Variants in HDAC8 observed in about 807,000 individuals in gnomAD.
HDAC8 encodes the protein histone deacetylase 8, also known as histone deacetylase-like 1.
HDAC8 carries 1 observed loss-of-function variant against 32.2 expected under a neutral mutation model. The observed-to-expected ratio is 0.03, with a 90% CI of 0.01 to 0.15. HDAC8 has a LOEUF of 0.15. Ranked by LOEUF, HDAC8 falls within the 10% of genes least tolerant of loss-of-function variation. The pLI, the probability that HDAC8 is intolerant of heterozygous loss-of-function variation, is 1.00. For synonymous variants in HDAC8, 108 were observed against 113.9 expected (o/e 0.95, Z 0.33); for missense variants, 117 against 300.0 (o/e 0.39, Z 4.51).
In HDAC8 at chrX:72,329,848, C is replaced by G; in HGVS notation, c.*206G>C. 1.1e-6 allele frequency: 1 copy of G among 934,824 alleles called. No individual in the cohort carries two copies. The highest frequency in any genetic ancestry group is 1.9e-5 in the African/African-American group (1 of 51,631). The allele number at this position is 934,824 out of a possible 1,213,427, so 77.0% of individuals were successfully genotyped here. A position where few individuals can be genotyped will look rare whatever the true frequency, so the allele number is the denominator to read the frequency against. Reference sequence around the variant, plus strand: ...TTAAATGTGGGATATCTCCTTCTTCCCCTAGGTCCAGTTGAGGACTCTGGG... The same window carrying G: ...TTAAATGTGGGATATCTCCTTCTTCGCCTAGGTCCAGTTGAGGACTCTGGG... On this transcript the variant is annotated 3_prime_UTR_variant, in exon 11 of 11. Transcript: ENST00000373573.
At chrX:72,524,293 C>A (rs1250642204) in intron 4 of HDAC8, among the ~76,000 whole-genome samples, 1 of 112,008 alleles carries the variant, frequency 8.9e-6, no homozygotes, top group Non-Finnish European at 1.9e-5. Flanking sequence ...AGTCTTATCA[C>A]ACTCAAAACT....
Position 72,453,888 on chromosome X carries a change from A to G in HDAC8, c.1005+8116T>C, listed in dbSNP as rs1489711002. ...AATATGTAAGCAAGAAGGCAATGAA[A>G]TAATATCTTTGAAGTGCTAAAAGAA... On this transcript the variant is annotated intron_variant, in intron 9 of 10. Coordinates refer to ENST00000373573, the MANE Select transcript of HDAC8 (RefSeq NM_018486.3). Among the ~76,000 whole-genome samples the G allele has an allele frequency of 2.7e-5, 3 of 112,742 alleles. No homozygotes were observed. In the East Asian group the frequency reaches 8.3e-4, roughly 31 times the overall value.
intron 9 of HDAC8, among the ~76,000 whole-genome samples, chrX:72,367,655 C>G (rs1360374153): frequency 8.9e-6 from 1 of 112,576 alleles, no homozygotes; most frequent in African/African-American, 3.2e-5. Flanking sequence ...AGAGTCCACA[C>G]AAGGATGATT....
At chrX:72,482,935 A>G (rs782766799) in intron 7 of HDAC8, among the ~76,000 whole-genome samples, 18 of 111,923 alleles carry the variant, frequency 1.6e-4, no homozygotes, top group Admixed American at 2.8e-4. Context: ...AAATGAAGCA[A>G]TGTAAATGTT....
intron 9 of HDAC8, among the ~76,000 whole-genome samples, chrX:72,447,469 A>T (rs2047441484): frequency 8.9e-6 from 1 of 112,005 alleles, no homozygotes; most frequent in Non-Finnish European, 1.9e-5. Flanking sequence ...TGACAAACCG[A>T]CAGCCAATAT....
intron 9 of HDAC8, 88 bp downstream of exon 9, chrX:72,461,916 A>G: frequency 1.6e-6 from 1 of 635,357 alleles, no homozygotes; most frequent in East Asian, 3.2e-5. Context: ...ACAAAACGGT[A>G]TTGAGTGGTG....
intron 4 of HDAC8, among the ~76,000 whole-genome samples, chrX:72,557,421 C>T (rs782514153): frequency 6.3e-5 from 7 of 111,434 alleles, no homozygotes; most frequent in Admixed American, 1.9e-4. Context: ...CCAAAAGGCA[C>T]CCTCAAAACC....
chrX:72,465,233 T>G (rs192646586), intron 7 of HDAC8, among the ~76,000 whole-genome samples: 1 of 111,689 alleles, frequency 9.0e-6, no homozygotes, highest in East Asian at 2.8e-4. Context: ...GTTTTTATTA[T>G]GTAAAAGGAC....
intron 4 of HDAC8, among the ~76,000 whole-genome samples, chrX:72,528,136 A>AT (rs1257207221): frequency 9.0e-6 from 1 of 110,507 alleles, no homozygotes; most frequent in Non-Finnish European, 1.9e-5. Flanking sequence ...TTTCTACAGC[A>AT]TTTTGTATCT....
rs1301265547 is a variant in HDAC8, at chrX:72,480,014, C to T, written c.737+8919G>A. 3.6e-5 allele frequency among the ~76,000 whole-genome samples: 4 copies of T among 112,220 alleles called. No homozygotes were observed. The South Asian group carries it at 1.1e-3, about 31-fold the overall frequency. On this transcript the variant is annotated intron_variant, in intron 7 of 10. Transcript: ENST00000373573. ...CAAAGTAGGAACAATAAATGAATGG[C>T]TCACTTTGGCCTCATTTCCACCTGT... is the stretch of plus-strand genomic sequence containing the variant.
At chrX:72,446,637 T>C (rs2047409457) in intron 9 of HDAC8, among the ~76,000 whole-genome samples, 1 of 110,393 alleles carries the variant, frequency 9.1e-6, no homozygotes, top group Admixed American at 9.7e-5. Context: ...TATACATATG[T>C]AACTAACTTG....
At chrX:72,452,588 C>A (rs1335773936) in intron 9 of HDAC8, among the ~76,000 whole-genome samples, 1 of 111,908 alleles carries the variant, frequency 8.9e-6, no homozygotes, top group Non-Finnish European at 1.9e-5. Flanking sequence ...GTAGTACATT[C>A]AAAGCAGGCT....
chrX:72,533,207 C>G (rs1015334671), intron 4 of HDAC8, among the ~76,000 whole-genome samples: 56 of 111,772 alleles, frequency 5.0e-4, no homozygotes, highest in African/African-American at 1.7e-3. Flanking sequence ...AGTTCTATCC[C>G]ATTGATCTAT....
intron 9 of HDAC8, among the ~76,000 whole-genome samples, chrX:72,373,886 T>G (rs1191588889): frequency 8.9e-6 from 1 of 112,334 alleles, no homozygotes; most frequent in Non-Finnish European, 1.9e-5. Context: ...ATTATTGTCA[T>G]CCTAGTAGGA....
At chrX:72,475,233 A>G (rs1189537017) in intron 7 of HDAC8, among the ~76,000 whole-genome samples, 1 of 112,176 alleles carries the variant, frequency 8.9e-6, no homozygotes, top group Non-Finnish European at 1.9e-5. Context: ...AAAAACCAAG[A>G]AGGGTAGGAT....
At chrX:72,354,194 C>T (rs1028595427) in intron 9 of HDAC8, among the ~76,000 whole-genome samples, 1 of 112,498 alleles carries the variant, frequency 8.9e-6, no homozygotes, top group Non-Finnish European at 1.9e-5. Flanking sequence ...ATAACCCATT[C>T]TTTGCTGAAG....
intron 9 of HDAC8, among the ~76,000 whole-genome samples, chrX:72,416,099 ATTG>A (rs1369053471): frequency 3.6e-5 from 4 of 111,229 alleles, no homozygotes; most frequent in African/African-American, 1.3e-4. Flanking sequence ...ATTGTGTAGA[ATTG>A]TTGTGAATTT....
chrX:72,546,073 A>G (rs914390190), intron 4 of HDAC8, among the ~76,000 whole-genome samples: 1 of 111,570 alleles, frequency 9.0e-6, no homozygotes, highest in Non-Finnish European at 1.9e-5. Context: ...AAAAGGGTGA[A>G]GCTCTTGGTA....
chrX:72,400,306 G>C (rs182658835), intron 9 of HDAC8, among the ~76,000 whole-genome samples: 27 of 111,641 alleles, frequency 2.4e-4, no homozygotes, highest in African/African-American at 8.5e-4. Flanking sequence ...CTTACCATCA[G>C]GATCAATCTA....
Sources: gnomAD v4.1 joint callset for allele counts (sites outside exome capture counted in the v4.1 genomes callset) on GRCh38, gnomAD v4.1.1 for gene constraint, MANE v1.5 for transcripts, NCBI Gene and HGNC (gene_info 2026-07-23, HGNC 2026-07-21) for gene names.